ITIH5: variants seen among roughly 807,000 people sequenced by gnomAD.
The protein encoded by ITIH5 is inter-alpha-trypsin inhibitor heavy chain H5.
Under a neutral mutation model 77.5 loss-of-function variants are expected in ITIH5, and 65 were observed. That is an observed-to-expected ratio of 0.84 (90% CI 0.69 to 1.03). The LOEUF (loss-of-function observed/expected upper bound fraction) is 1.03. Ranked by LOEUF, ITIH5 falls within the 50% of genes least tolerant of loss-of-function variation. ITIH5 has a pLI of 0.00. For synonymous variants in ITIH5, 525 were observed against 494.3 expected (o/e 1.06, Z -0.82); for missense variants, 1,208 against 1,213.1 (o/e 1.00, Z 0.06).
intron 4 of ITIH5, among the ~76,000 whole-genome samples, 159 bp from the exon 5 acceptor site, chr10:7,637,637 G>T (rs6602257): frequency 6.6e-6 from 1 of 151,834 alleles, no homozygotes; most frequent in Admixed American, 6.6e-5. Context: ...ATAAAAATTC[G>T]TATTAGAAGA....
intron 7 of ITIH5, among the ~76,000 whole-genome samples, chr10:7,591,459 C>T (rs1032671749): frequency 4.6e-5 from 7 of 152,150 alleles, no homozygotes; most frequent in Non-Finnish European, 8.8e-5. Flanking sequence ...TGAGGCCATT[C>T]CTAACTCAAC....
In ITIH5 at chr10:7,629,423, G is replaced by A. The variant is rs113579536; in HGVS notation, c.652+7805C>T. ...TTGTAGAGTGTGTCCATGTTGTAGC[G>A]TGTGTCCGTGTTGTGGCATGCATCC... On this transcript the variant is annotated intron_variant, in intron 5 of 13. Transcript: ENST00000397146. Among the ~76,000 whole-genome samples the A allele has an allele frequency of 1.3e-3, 184 of 146,366 alleles. 15 individuals are homozygous for A. Among genetic ancestry groups the A allele is most frequent in the Non-Finnish European group, 2.2e-3 (144 of 66,372 alleles).
rs947540256 is a variant in ITIH5, at chr10:7,604,020, T to C, written c.939+11962A>G. Among the ~76,000 whole-genome samples, 8 of 152,304 alleles carry C rather than the reference T, an allele frequency of 5.3e-5. No homozygotes were observed. The South Asian group carries it at 1.7e-3, about 32-fold the overall frequency. On this transcript the variant is annotated intron_variant, in intron 7 of 13. Coordinates refer to ENST00000397146, the MANE Select transcript of ITIH5 (RefSeq NM_030569.7). Reference sequence around the variant, plus strand: ...CCGGGGGAATCCCCTGCAGCATAAGTTGGTGCCACGGCCCTGCAGGAGCTT... The same window carrying C: ...CCGGGGGAATCCCCTGCAGCATAAGCTGGTGCCACGGCCCTGCAGGAGCTT...
At position 7,566,278 on chromosome 10, in the gene ITIH5, G is replaced by A. The variant is rs1229271267; in HGVS notation, c.2279C>T (p.Pro760Leu). The A allele has an allele frequency of 4.3e-6, 7 of 1,613,512 alleles. No individual in the cohort carries two copies. The highest frequency in any genetic ancestry group is 4.2e-6 in the Non-Finnish European group (5 of 1,179,768). ...CCCACCATCCAAGATGACTCTGCTC[G>A]GTGTGATCTCGAGATAAGATCTCTC... ...KPERSYLEIT[P>L]SRVILDGGDR... Residue 760 changes from proline (P) to leucine (L), a missense_variant, in exon 13 of 14, where the codon CCG becomes CTG. Physicochemically the swap from Pro to Leu is moderately conservative, Grantham distance 98 (BLOSUM62 -3). Transcript: ENST00000397146.
intron 7 of ITIH5, among the ~76,000 whole-genome samples, chr10:7,597,411 A>G (rs1832926313): frequency 6.6e-6 from 1 of 152,212 alleles, no homozygotes; most frequent in Non-Finnish European, 1.5e-5. Context: ...AAAGTTCACA[A>G]CAACAGATTC....
intron 4 of ITIH5, among the ~76,000 whole-genome samples, chr10:7,637,782 C>T (rs1294597631): frequency 6.6e-6 from 1 of 152,212 alleles, no homozygotes; most frequent in Admixed American, 6.5e-5. Context: ...AGTAGGTGAA[C>T]TGCTAGAAGA....
chr10:7,599,586 G>A (rs1352571267), intron 7 of ITIH5, among the ~76,000 whole-genome samples: 3 of 152,044 alleles, frequency 2.0e-5, no homozygotes, highest in Non-Finnish European at 4.4e-5. Context: ...TGACCTGATC[G>A]CCTTTCCCTC....
At chr10:7,602,793 CT>C (rs370581562) in intron 7 of ITIH5, among the ~76,000 whole-genome samples, 1 of 151,678 alleles carries the variant, frequency 6.6e-6, no homozygotes, top group African/African-American at 2.4e-5. Flanking sequence ...TCTCAAGAAT[CT>C]TTTTTTTTAC....
At chr10:7,617,428 T>C (rs1430318913) in intron 5 of ITIH5, 146 bp from the exon 6 acceptor site, 2 of 504,364 alleles carry the variant, frequency 4.0e-6, no homozygotes, top group Admixed American at 4.0e-5. Flanking sequence ...TACTCATATA[T>C]CACAATGCGA....
intron 2 of ITIH5, among the ~76,000 whole-genome samples, chr10:7,645,168 G>A (rs7096570): frequency 0.13 from 20,295 of 151,674 alleles, 1,539 homozygotes; most frequent in East Asian, 0.3. Context: ...ACAGCTTAAC[G>A]AAAACGTTAG....
intron 10 of ITIH5, among the ~76,000 whole-genome samples, chr10:7,575,510 C>T (rs1487830684): frequency 1.3e-5 from 2 of 152,138 alleles, no homozygotes; most frequent in African/African-American, 2.4e-5. Context: ...GCATGTGAAA[C>T]GCGATTTTCC....
intron 2 of ITIH5, among the ~76,000 whole-genome samples, chr10:7,653,814 T>C (rs1834138370): frequency 6.6e-6 from 1 of 152,154 alleles, no homozygotes. Flanking sequence ...AATTACTCTC[T>C]CTGAATTTGT....
In ITIH5 at chr10:7,561,072, G is replaced by A. The variant is rs910001686; in HGVS notation, c.*2011C>T. 2.1e-5 allele frequency: 3 copies of A among 145,318 alleles called. No individual in the cohort carries two copies. The highest frequency in any genetic ancestry group is 3.0e-5 in the Non-Finnish European group (2 of 66,442). 9.0% of individuals were successfully genotyped at this position (145,318 alleles called of 1,614,324 possible). On this transcript the variant is annotated 3_prime_UTR_variant, in exon 14 of 14. Coordinates refer to ENST00000397146, the MANE Select transcript of ITIH5 (RefSeq NM_030569.7). ...AAAAAAAAAAAGATCTACACGTAAA[G>A]AAGAGGAAGAAAAAAGGTGATATTT...
At position 7,579,945 on chromosome 10, in the gene ITIH5, TG is replaced by T; in HGVS notation, c.1227del (p.Thr410ArgfsTer132). On this transcript the variant is annotated frameshift_variant, in exon 9 of 14. Transcript: ENST00000397146. LOFTEE classifies it high-confidence loss of function. ...SLIVFLTDGK[P>X]TVGETHTLKI... Reference sequence around the variant, plus strand: ...TTGAGGGTGTGCGTCTCCCCGACCGTGGGCTTCCCATCCGTCAGGAAGACGA... The same window carrying T: ...TTGAGGGTGTGCGTCTCCCCGACCGTGGCTTCCCATCCGTCAGGAAGACGA... 1 of 1,614,190 alleles carries T rather than the reference TG, an allele frequency of 6.2e-7. No individual in the cohort carries two copies. Among genetic ancestry groups the T allele is most frequent in the Non-Finnish European group, 8.5e-7 (1 of 1,180,030 alleles).
chr10:7,586,678 G>A lies in ITIH5; in HGVS notation c.940-609C>T, dbSNP rs142660149. ...CAGGTGAATCAATGAATGAATGAAC[G>A]TTTAATGAATTATAAAATTAAATGC... On this transcript the variant is annotated intron_variant, in intron 7 of 13. Transcript: ENST00000397146. Among the ~76,000 whole-genome samples, 113 of 152,192 alleles carry A rather than the reference G, an allele frequency of 7.4e-4. 1 individual carries two copies. Among genetic ancestry groups the A allele is most frequent in the African/African-American group, 2.6e-3 (106 of 41,502 alleles).
chr10:7,570,477 T>A (rs1421255957), intron 11 of ITIH5: 2 of 152,240 alleles, frequency 1.3e-5, no homozygotes, highest in African/African-American at 4.8e-5. Context: ...ACAGTTCTTA[T>A]CTGTTCTCCT....
intron 7 of ITIH5, among the ~76,000 whole-genome samples, chr10:7,614,481 G>T (rs1031447959): frequency 3.3e-5 from 5 of 151,994 alleles, no homozygotes; most frequent in Non-Finnish European, 7.4e-5. Context: ...TTTTTTGCGT[G>T]ATTTTTTTTT....
chr10:7,646,794 G>A (rs1834015688), intron 2 of ITIH5, among the ~76,000 whole-genome samples: 1 of 152,170 alleles, frequency 6.6e-6, no homozygotes. Context: ...CTGGTCACCT[G>A]GTAGCCATAG....
intron 2 of ITIH5, among the ~76,000 whole-genome samples, chr10:7,644,654 A>ACATATATAT (rs1833961169): frequency 2.3e-5 from 3 of 132,844 alleles, no homozygotes; most frequent in South Asian, 4.8e-4. Context: ...CATATATATC[A>ACATATATAT]CATATATATC....
Sources: allele counts gnomAD v4.1 joint callset (sites outside exome capture counted in the v4.1 genomes callset), GRCh38; gene constraint gnomAD v4.1.1; transcripts MANE v1.5; gene names NCBI Gene and HGNC (gene_info 2026-07-23, HGNC 2026-07-21).